Variants in DIP2C observed in about 807,000 individuals in gnomAD.
DIP2C encodes DIP2 acetate--CoA ligase C (putative), also known as disco-interacting protein 2 homolog C.
Under a neutral mutation model 192.4 loss-of-function variants are expected in DIP2C, and 33 were observed. The observed-to-expected ratio is 0.17, with a 90% confidence interval of 0.13 to 0.23. The LOEUF (loss-of-function observed/expected upper bound fraction) is 0.23. Ranked by LOEUF, DIP2C falls within the 10% of genes least tolerant of loss-of-function variation. The pLI is 1.00. For synonymous variants in DIP2C, 979 were observed against 864.1 expected (o/e 1.13, Z -2.33); for missense variants, 1,537 against 2,110.1 (o/e 0.73, Z 5.32).
intron 11 of DIP2C, 79 bp from the exon 12 acceptor site, chr10:390,452 C>T (rs1963369445): frequency 2.2e-6 from 3 of 1,346,822 alleles, no homozygotes; most frequent in Non-Finnish European, 1.1e-6. Context: ...TTATGTGGTA[C>T]CCTTTCAAAC....
chr10:419,254 G>A, intron 5 of DIP2C, 55 bp from the exon 6 acceptor site: 2 of 1,611,128 alleles, frequency 1.2e-6, no homozygotes, highest in South Asian at 1.1e-5. Flanking sequence ...TGCTCTGAAG[G>A]TGGAACAAGC....
intron 29 of DIP2C, among the ~76,000 whole-genome samples, chr10:336,200 C>G (rs1276738956): frequency 6.6e-6 from 1 of 152,190 alleles, no homozygotes; most frequent in Admixed American, 6.5e-5. Context: ...AAGACGCCAT[C>G]TCTAAAAAAA....
intron 32 of DIP2C, among the ~76,000 whole-genome samples, chr10:291,452 T>C (rs552128406): frequency 3.9e-5 from 6 of 152,194 alleles, no homozygotes; most frequent in South Asian, 2.1e-4. Context: ...AGGGGAACAA[T>C]ATCCACACAG....
intron 34 of DIP2C, among the ~76,000 whole-genome samples, chr10:283,817 G>A (rs1261822485): frequency 6.6e-6 from 1 of 152,044 alleles, no homozygotes; most frequent in African/African-American, 2.4e-5. Context: ...GAACAATGCT[G>A]AAAAGCTTTG....
rs553231597 is a variant in DIP2C, at chr10:348,063, G to A, written c.3231+578C>T. ...CTGGAAACCCCACACGCACCCAGAC[G>A]CGTCGCCACACTTTCTAGGAGTGGC... is the stretch of plus-strand genomic sequence containing the variant. On this transcript the variant is annotated intron_variant, in intron 26 of 36. Coordinates refer to ENST00000280886, the MANE Select transcript of DIP2C (RefSeq NM_014974.3). Among the ~76,000 whole-genome samples the A allele has an allele frequency of 1.2e-4, 19 of 152,104 alleles. 1 individual carries two copies. Among genetic ancestry groups the A allele is most frequent in the African/African-American group, 4.6e-4 (19 of 41,482 alleles).
At chr10:431,770 A>G (rs1348879523) in intron 4 of DIP2C, among the ~76,000 whole-genome samples, 1 of 152,254 alleles carries the variant, frequency 6.6e-6, no homozygotes, top group African/African-American at 2.4e-5. Flanking sequence ...TTCTAGTACA[A>G]TGTTGAAAAG....
chr10:394,218 C>T (rs1352362956), intron 10 of DIP2C, among the ~76,000 whole-genome samples: 1 of 152,216 alleles, frequency 6.6e-6, no homozygotes, highest in African/African-American at 2.4e-5. Flanking sequence ...ACACTGGGCG[C>T]TATTCAGCCT....
Position 664,697 on chromosome 10 carries a change from C to A in DIP2C, c.85+24797G>T, listed in dbSNP as rs543447100. ...CAATTTTTTATACTGTTACTTTTTA[C>A]ATTTTAAAAAATGTATATTCTGAAA... On this transcript the variant is annotated intron_variant, in intron 1 of 36. Transcript: ENST00000280886. 4.7e-4 allele frequency: 72 copies of A among 152,122 alleles called. No individual in the cohort carries two copies. The South Asian group carries it at 7.5e-3, about 16-fold the overall frequency. 9.4% of individuals were successfully genotyped at this position (152,122 alleles called of 1,614,324 possible).
At chr10:387,883 A>C in intron 13 of DIP2C, 74 bp from the exon 14 acceptor site, 1 of 1,423,234 alleles carries the variant, frequency 7.0e-7, no homozygotes, top group South Asian at 1.1e-5. Context: ...AACAAAATCC[A>C]ATATTGCATC....
intron 1 of DIP2C, among the ~76,000 whole-genome samples, chr10:490,782 C>A (rs1844377725): frequency 6.6e-6 from 1 of 152,094 alleles, no homozygotes; most frequent in African/African-American, 2.4e-5. Flanking sequence ...TTATGTTATT[C>A]TCAGAGACTT....
At chr10:627,394 C>G (rs2131865262) in intron 1 of DIP2C, among the ~76,000 whole-genome samples, 1 of 152,354 alleles carries the variant, frequency 6.6e-6, no homozygotes, top group African/African-American at 2.4e-5. Flanking sequence ...GGATTTTCAG[C>G]TGGGTTCGCT....
chr10:485,953 G>A (rs61839513), intron 2 of DIP2C, among the ~76,000 whole-genome samples: 4 of 152,328 alleles, frequency 2.6e-5, no homozygotes, highest in East Asian at 1.9e-4. Context: ...ATCTGCACAC[G>A]TAGAAACGCT....
At chr10:367,697 G>A (rs1007247114) in intron 18 of DIP2C, among the ~76,000 whole-genome samples, 5 of 152,128 alleles carry the variant, frequency 3.3e-5, no homozygotes, top group African/African-American at 4.8e-5. Flanking sequence ...TTCACCAAAC[G>A]GGGGGGCTCA....
At chr10:601,317 A>G (rs1852060151) in intron 1 of DIP2C, among the ~76,000 whole-genome samples, 3 of 151,914 alleles carry the variant, frequency 2.0e-5, no homozygotes, top group Admixed American at 6.6e-5. Flanking sequence ...CTCAAAATTT[A>G]AAACTACATC....
chr10:420,935 A>G (rs892151085), intron 5 of DIP2C, among the ~76,000 whole-genome samples: 2 of 152,066 alleles, frequency 1.3e-5, no homozygotes, highest in African/African-American at 4.8e-5. Context: ...TAGGACACTC[A>G]CGCGCACGCA....
At chr10:574,307 C>T (rs538940028) in intron 1 of DIP2C, among the ~76,000 whole-genome samples, 1 of 152,120 alleles carries the variant, frequency 6.6e-6, no homozygotes, top group Non-Finnish European at 1.5e-5. Flanking sequence ...GTTATCTTTC[C>T]GCAATTAAAT....
chr10:601,949 A>G (rs1852105361), intron 1 of DIP2C, among the ~76,000 whole-genome samples: 1 of 152,138 alleles, frequency 6.6e-6, no homozygotes, highest in African/African-American at 2.4e-5. Context: ...GGGAACCGGC[A>G]GTTTAGCTAA....
intron 1 of DIP2C, among the ~76,000 whole-genome samples, chr10:537,617 C>T (rs1435169179): frequency 2.6e-5 from 4 of 152,012 alleles, no homozygotes; most frequent in Non-Finnish European, 5.9e-5. Flanking sequence ...CGGGTATCAC[C>T]CATGTTTCAG....
intron 1 of DIP2C, among the ~76,000 whole-genome samples, chr10:530,782 G>A (rs1847320225): frequency 6.6e-6 from 1 of 152,060 alleles, no homozygotes; most frequent in Non-Finnish European, 1.5e-5. Context: ...GCTACAATGA[G>A]GCCCAGAGAG....
Sources: allele counts gnomAD v4.1 joint callset (sites outside exome capture counted in the v4.1 genomes callset), GRCh38; gene constraint gnomAD v4.1.1; transcripts MANE v1.5; gene names NCBI Gene and HGNC (gene_info 2026-07-23, HGNC 2026-07-21).